AP3B2: variants seen among roughly 807,000 people sequenced by gnomAD.
AP3B2 encodes the protein adaptor related protein complex 3 subunit beta 2, also known as AP-3 complex subunit beta-2.
A neutral mutation model predicts 126.9 loss-of-function variants in AP3B2; 50 were observed. That is an observed-to-expected ratio of 0.39 (90% CI 0.31 to 0.50). The LOEUF is 0.50. AP3B2 is among the 20% of genes least tolerant of loss of function. The pLI, the probability that AP3B2 is intolerant of heterozygous loss-of-function variation, is 0.79. For synonymous variants in AP3B2, 541 were observed against 565.0 expected, an observed-to-expected ratio of 0.96 and a Z score of 0.60; for missense variants, 1,177 against 1,426.4, an observed-to-expected ratio of 0.83 and a Z score of 2.82.
chr15:82,681,284 C>T lies in AP3B2; in HGVS notation c.522-106G>A. On this transcript the variant is annotated intron_variant, in intron 5 of 26. Transcript: ENST00000535359. This position sits in a 1 kb window ranked among gnomAD's most constrained non-coding sequence, Gnocchi z 4.0. ...TGCACCCCAGCCTTATTGTTCTCCT[C>T]CATCTCTGTCAGTCCCCCAAACTAC... 1 of 1,516,666 alleles carries T rather than the reference C, an allele frequency of 6.6e-7. No individual in the cohort carries two copies. Among genetic ancestry groups the T allele is most frequent in the Non-Finnish European group, 9.0e-7 (1 of 1,115,640 alleles). The allele number at this position is 1,516,666 out of a possible 1,614,324, so 94.0% of individuals were successfully genotyped here.
rs1202884617 is a variant in AP3B2, at chr15:82,670,117, G to GGT, written c.1666-3185_1666-3184insAC. Among the ~76,000 whole-genome samples the GGT allele has an allele frequency of 3.7e-5, 5 of 136,242 alleles. 1 individual carries two copies. Among genetic ancestry groups the GGT allele is most frequent in the African/African-American group, 1.4e-4 (5 of 36,308 alleles). The allele number at this position is 136,242 out of a possible 152,430, so 89.4% of individuals were successfully genotyped here. A position where few individuals can be genotyped will look rare whatever the true frequency, so the allele number is the denominator to read the frequency against. ...ATCAGTGGCTTTTTTTTTTTTGGCG[G>GGT]GGGGGGACGAAGATGAAGTCTCGCT... On this transcript the variant is annotated intron_variant, in intron 14 of 26. Transcript: ENST00000535359.
At chr15:82,698,151 T>A (rs1299928402) in intron 1 of AP3B2, among the ~76,000 whole-genome samples, 1 of 151,764 alleles carries the variant, frequency 6.6e-6, no homozygotes, top group East Asian at 1.9e-4. Context: ...GGACAGCTCA[T>A]ACAAACATAC....
chr15:82,664,954 G>T lies in AP3B2; in HGVS notation c.2029-11C>A. Reference sequence around the variant, plus strand: ...GGTCCATTCAGGTACCTGGAGATGGGGGTAGGGTGCAGGGTCATTTCATCA... The same window carrying T: ...GGTCCATTCAGGTACCTGGAGATGGTGGTAGGGTGCAGGGTCATTTCATCA... On this transcript the variant is annotated splice_polypyrimidine_tract_variant and intron_variant, in intron 17 of 26. Transcript: ENST00000535359. The surrounding 1 kb of genome is among the most constrained non-coding windows in gnomAD (Gnocchi z 4.5). 6.3e-7 allele frequency: 1 copy of T among 1,583,628 alleles called. No individual in the cohort carries two copies. Among genetic ancestry groups the T allele is most frequent in the Non-Finnish European group, 8.6e-7 (1 of 1,158,558 alleles).
intron 25 of AP3B2, among the ~76,000 whole-genome samples, chr15:82,661,545 CTATAAA>C: frequency 6.6e-6 from 1 of 152,170 alleles, no homozygotes; most frequent in Non-Finnish European, 1.5e-5. Flanking sequence ...ACTTCAGTAT[CTATAAA>C]TATAAATGGA....
intron 4 of AP3B2, among the ~76,000 whole-genome samples, chr15:82,682,174 C>T (rs889618608): frequency 4.0e-5 from 6 of 151,126 alleles, no homozygotes; most frequent in African/African-American, 1.5e-4. Flanking sequence ...GCCTCAGCCT[C>T]CCAAGTAGCT....
chr15:82,667,051 C>T (rs1002618495), intron 14 of AP3B2, 118 bp from the exon 15 acceptor site: 35 of 1,048,098 alleles, frequency 3.3e-5, no homozygotes, highest in African/African-American at 1.1e-4. Flanking sequence ...TGCTTAGGAC[C>T]GGCGCTTCCA....
intron 4 of AP3B2, among the ~76,000 whole-genome samples, chr15:82,682,047 CTTTTTTT>C (rs769028602): frequency 3.8e-5 from 3 of 79,924 alleles, no homozygotes; most frequent in African/African-American, 1.1e-4. Context: ...TAGGCCCTTC[CTTTTTTT>C]TTTTTTTTTT....
Position 82,665,089 on chromosome 15 carries a change from G to A in AP3B2, c.2029-146C>T, listed in dbSNP as rs777676288. On this transcript the variant is annotated intron_variant, in intron 17 of 26. Coordinates refer to ENST00000535359, the MANE Select transcript of AP3B2 (RefSeq NM_001278512.2). The surrounding 1 kb of genome is among the most constrained non-coding windows in gnomAD (Gnocchi z 4.4). ...GGAATAACAGAGGAGGAAGAAAGGG[G>A]CACTGTCCATGGAGGGGAGGGAATG... 3.9e-6 allele frequency: 4 copies of A among 1,031,316 alleles called. No homozygotes were observed. Among genetic ancestry groups the A allele is most frequent in the Non-Finnish European group, 5.8e-6 (4 of 695,352 alleles). The allele number at this position is 1,031,316 out of a possible 1,614,324, so 63.9% of individuals were successfully genotyped here. A position where few individuals can be genotyped will look rare whatever the true frequency, so the allele number is the denominator to read the frequency against.
In AP3B2 at chr15:82,683,062, T is replaced by G. The variant is rs1226446932; in HGVS notation, c.361-1482A>C. ...TGCACCAGGAGTTTTTTTTTTTTTT[T>G]TTTTTTTTTTTTTTGTAACGGAGTC... On this transcript the variant is annotated intron_variant, in intron 4 of 26. Coordinates refer to ENST00000535359, the MANE Select transcript of AP3B2 (RefSeq NM_001278512.2). 8.0e-5 allele frequency among the ~76,000 whole-genome samples: 11 copies of G among 137,518 alleles called. 1 individual carries two copies. The East Asian group carries it at 1.7e-3, about 21-fold the overall frequency. The allele number at this position is 137,518 out of a possible 152,430, so 90.2% of individuals were successfully genotyped here.
In AP3B2 at chr15:82,665,580, G is replaced by T. The variant is rs372780092; in HGVS notation, c.1853-5C>A. 3.7e-6 allele frequency: 6 copies of T among 1,609,748 alleles called. No individual in the cohort carries two copies. In the African/African-American group the frequency reaches 6.7e-5, roughly 18 times the overall value. On this transcript the variant is annotated splice_polypyrimidine_tract_variant and splice_region_variant and intron_variant, in intron 15 of 26. Coordinates refer to ENST00000535359, the MANE Select transcript of AP3B2 (RefSeq NM_001278512.2). This position sits in a 1 kb window ranked among gnomAD's most constrained non-coding sequence, Gnocchi z 4.4. ...CCAGCTGGAAGTGGTCCCGGTCTAG[G>T]GATAGGTTTAGAGGTCAGGCAGGTA...
intron 24 of AP3B2, 22 bp from the exon 25 acceptor site, chr15:82,661,944 G>T: frequency 6.2e-7 from 1 of 1,600,498 alleles, no homozygotes; most frequent in Non-Finnish European, 8.6e-7. Context: ...GGGAGGAAAC[G>T]GAGAAGAATT....
intron 1 of AP3B2, 146 bp downstream of exon 1, chr15:82,709,448 G>T: frequency 2.9e-6 from 1 of 345,128 alleles, no homozygotes; most frequent in Non-Finnish European, 4.1e-6. Flanking sequence ...CGGGGCTCCA[G>T]GCCGCAGGAG....
At chr15:82,660,132 A>G (rs2047914078) in intron 25 of AP3B2, 149 bp from the exon 26 acceptor site, 15 of 1,075,614 alleles carry the variant, frequency 1.4e-5, no homozygotes, top group Non-Finnish European at 4.0e-6. Flanking sequence ...CTTGGGGAGA[A>G]GGTACTTCCC....
chr15:82,677,123 A>G (rs917620087), intron 13 of AP3B2, 151 bp downstream of exon 13: 1 of 681,818 alleles, frequency 1.5e-6, no homozygotes, highest in Non-Finnish European at 2.5e-6. Flanking sequence ...TAACAAGGTC[A>G]GGGTCACATG....
intron 21 of AP3B2, 55 bp downstream of exon 21, chr15:82,663,505 T>C (rs2047994206): frequency 6.3e-7 from 1 of 1,582,108 alleles, no homozygotes; most frequent in Non-Finnish European, 8.7e-7. Context: ...TGGGCTGTTC[T>C]AATTCATGCT....
At chr15:82,676,672 T>C (rs2048247320) in intron 13 of AP3B2, 35 bp from the exon 14 acceptor site, 2 of 1,607,118 alleles carry the variant, frequency 1.2e-6, no homozygotes, top group African/African-American at 1.3e-5. Flanking sequence ...GATGGGTAAA[T>C]ACGGGAAAGT....
chr15:82,699,966 C>T (rs943037255), intron 1 of AP3B2: 8 of 398,584 alleles, frequency 2.0e-5, no homozygotes, highest in African/African-American at 6.2e-5. Flanking sequence ...ACTTGGTAAC[C>T]GGACACTGGC....
chr15:82,666,102 A>G (rs915569906), intron 15 of AP3B2, among the ~76,000 whole-genome samples: 6 of 152,220 alleles, frequency 3.9e-5, no homozygotes, highest in African/African-American at 1.4e-4. Flanking sequence ...AGAGAAAAAG[A>G]ACGAAAAGAT....
rs2048021892 is a variant in AP3B2, at chr15:82,664,767, C to T, written c.2137+68G>A. 3 of 1,238,810 alleles carry T rather than the reference C, an allele frequency of 2.4e-6. No individual in the cohort carries two copies. Among genetic ancestry groups the T allele is most frequent in the Non-Finnish European group, 3.4e-6 (3 of 870,536 alleles). The allele number at this position is 1,238,810 out of a possible 1,614,324, so 76.7% of individuals were successfully genotyped here. ...AGACACACAACCATATACATATACCCCTCATATAGTCAGTCACACAGATGC... is the reference window on the plus strand; with the variant it reads ...AGACACACAACCATATACATATACCTCTCATATAGTCAGTCACACAGATGC... On this transcript the variant is annotated intron_variant, in intron 18 of 26. Coordinates refer to ENST00000535359, the MANE Select transcript of AP3B2 (RefSeq NM_001278512.2). This position sits in a 1 kb window ranked among gnomAD's most constrained non-coding sequence, Gnocchi z 4.5.
Sources: gnomAD v4.1 joint callset for allele counts (sites outside exome capture counted in the v4.1 genomes callset) on GRCh38, gnomAD v4.1.1 for gene constraint, Gnocchi (gnomAD v3.1) non-coding constraint, MANE v1.5 for transcripts, NCBI Gene and HGNC (gene_info 2026-07-23, HGNC 2026-07-21) for gene names.